PRDM5: variants seen among roughly 807,000 people sequenced by gnomAD.
PRDM5 encodes the protein PR domain zinc finger protein 5.
Under a neutral mutation model 81.2 loss-of-function variants are expected in PRDM5, and 56 were observed. That is an observed-to-expected ratio of 0.69 (90% confidence interval 0.56 to 0.86). The LOEUF is 0.86. PRDM5 is among the 40% of genes least tolerant of loss of function. The probability of loss-of-function intolerance (pLI) is 0.00; values close to 1 mark genes in which losing one functional copy is unlikely to be tolerated. For synonymous variants in PRDM5, 267 were observed against 256.4 expected (o/e 1.04, Z -0.39); for missense variants, 697 against 770.1 (o/e 0.91, Z 1.12).
chr4:120,801,438 T>A (rs1752104594), intron 8 of PRDM5, among the ~76,000 whole-genome samples: 1 of 152,232 alleles, frequency 6.6e-6, no homozygotes, highest in African/African-American at 2.4e-5. Flanking sequence ...CCCAAGCACG[T>A]GGCAGTTTGA....
intron 10 of PRDM5, among the ~76,000 whole-genome samples, chr4:120,789,014 T>C (rs1272926320): frequency 1.3e-5 from 2 of 152,208 alleles, no homozygotes; most frequent in Non-Finnish European, 2.9e-5. Flanking sequence ...TGTCCTTCAA[T>C]CTTTCACCTC....
chr4:120,902,808 C>T (rs919228458), intron 2 of PRDM5, among the ~76,000 whole-genome samples: 1 of 152,208 alleles, frequency 6.6e-6, no homozygotes, highest in Admixed American at 6.5e-5. Context: ...CACTCTGAAG[C>T]AGTGGGCATC....
rs1554009285 is a variant in PRDM5 at position 120,904,198 on chromosome 4, A to AAAAAAAAAAAAC, written c.177+3275_177+3276insGTTTTTTTTTTT. Among the ~76,000 whole-genome samples the AAAAAAAAAAAAC allele has an allele frequency of 9.2e-4, 134 of 145,424 alleles. 2 individuals carry two copies. Among genetic ancestry groups the AAAAAAAAAAAAC allele is most frequent in the African/African-American group, 3.4e-3 (131 of 39,098 alleles). Reference sequence around the variant, plus strand: ...GAGGGAGACTCCTTCTCAAAAAAAAAAAAAAAACAAAAAAACCTCCTTCCT... The same window carrying AAAAAAAAAAAAC: ...GAGGGAGACTCCTTCTCAAAAAAAAAAAAAAAAAAAACAAAAAAACAAAAAAACCTCCTTCCT... On this transcript the variant is annotated intron_variant, in intron 2 of 15. Transcript: ENST00000264808.
At position 120,728,840 on chromosome 4, in the gene PRDM5, A is replaced by G. The variant is rs561250542; in HGVS notation, c.1624-18427T>C. Reference sequence around the variant, plus strand: ...GGTACACCAAATAGAAAATACACACAAGAAATATGATTTGTCTGAAAAATA... The same window carrying G: ...GGTACACCAAATAGAAAATACACACGAGAAATATGATTTGTCTGAAAAATA... On this transcript the variant is annotated intron_variant, in intron 14 of 15. Transcript: ENST00000264808. Among the ~76,000 whole-genome samples, 12 of 152,382 alleles carry G rather than the reference A, an allele frequency of 7.9e-5. No homozygotes were observed. In the East Asian group the frequency reaches 2.3e-3, roughly 29 times the overall value.
intron 6 of PRDM5, 124 bp downstream of exon 6, chr4:120,816,708 G>A (rs890645933): frequency 6.6e-7 from 1 of 1,519,358 alleles, no homozygotes; most frequent in South Asian, 1.1e-5. Flanking sequence ...ACCTATGCAG[G>A]TAAGAAGAAA....
At chr4:120,686,672 C>G (rs1733844722) in intron 1 of PRDM5, among the ~76,000 whole-genome samples, 1 of 151,922 alleles carries the variant, frequency 6.6e-6, no homozygotes, top group Non-Finnish European at 1.5e-5. Flanking sequence ...AAGATTTTAT[C>G]TATTAAATAT....
chr4:120,843,282 C>T (rs1034549602), intron 3 of PRDM5, among the ~76,000 whole-genome samples: 7 of 152,006 alleles, frequency 4.6e-5, no homozygotes, highest in Admixed American at 3.3e-4. Flanking sequence ...CGCAGTGAGC[C>T]GAGATTGTGC....
Position 120,858,222 on chromosome 4 carries a change from G to A in PRDM5, c.178-4682C>T, listed in dbSNP as rs369561187. ...AATTTAGAGTATGGATGTCTTTAGA[G>A]TATAAAATGCCACCATGTTTTTGTA... On this transcript the variant is annotated intron_variant, in intron 2 of 15. Coordinates refer to ENST00000264808, the MANE Select transcript of PRDM5 (RefSeq NM_018699.4). Among the ~76,000 whole-genome samples, 13 of 152,164 alleles carry A rather than the reference G, an allele frequency of 8.5e-5. 1 individual carries two copies. Among genetic ancestry groups the A allele is most frequent in the Admixed American group, 5.9e-4 (9 of 15,276 alleles).
At chr4:120,686,742 C>A (rs1484503051) in intron 1 of PRDM5, among the ~76,000 whole-genome samples, 2 of 151,988 alleles carry the variant, frequency 1.3e-5, no homozygotes, top group Non-Finnish European at 2.9e-5. Flanking sequence ...CCTTCCCCTT[C>A]CCCAAAATAT....
intron 13 of PRDM5, among the ~76,000 whole-genome samples, chr4:120,773,936 G>C (rs1472060624): frequency 6.6e-6 from 1 of 152,098 alleles, no homozygotes; most frequent in Non-Finnish European, 1.5e-5. Context: ...TTCTAGTTTA[G>C]CAAATGCAGG....
chr4:120,782,288 A>T (rs1749147693), intron 11 of PRDM5, among the ~76,000 whole-genome samples: 1 of 152,202 alleles, frequency 6.6e-6, no homozygotes, highest in Non-Finnish European at 1.5e-5. Context: ...CCCATATCAT[A>T]TTGATAACAA....
chr4:120,774,142 T>G (rs1259986616), intron 13 of PRDM5, among the ~76,000 whole-genome samples: 1 of 152,032 alleles, frequency 6.6e-6, no homozygotes, highest in Non-Finnish European at 1.5e-5. Flanking sequence ...TGGTATGGAG[T>G]GATGAGGCCA....
chr4:120,743,454 TA>T lies in PRDM5; in HGVS notation c.1623+11098del, dbSNP rs1381457524. On this transcript the variant is annotated intron_variant, in intron 14 of 15. Coordinates refer to ENST00000264808, the MANE Select transcript of PRDM5 (RefSeq NM_018699.4). ...CTATTAACTTTAAATGTAAATGGAC[TA>T]AATGCTCCAATTAAAAGACACAGAC... is the stretch of plus-strand genomic sequence containing the variant. Among the ~76,000 whole-genome samples the T allele has an allele frequency of 7.5e-4, 111 of 147,698 alleles. No individual in the cohort carries two copies. In the South Asian group the frequency reaches 0.023, roughly 30 times the overall value.
At chr4:120,820,889 T>C (rs1755166437) in intron 4 of PRDM5, among the ~76,000 whole-genome samples, 1 of 152,194 alleles carries the variant, frequency 6.6e-6, no homozygotes, top group Non-Finnish European at 1.5e-5. Flanking sequence ...ATTACCCCAA[T>C]GCGCCAGTGA....
At chr4:120,796,501 T>G (rs1338563500) in intron 10 of PRDM5, among the ~76,000 whole-genome samples, 1 of 152,160 alleles carries the variant, frequency 6.6e-6, no homozygotes, top group Non-Finnish European at 1.5e-5. Flanking sequence ...AACTCATAAA[T>G]GTGGATAGAT....
intron 14 of PRDM5, among the ~76,000 whole-genome samples, chr4:120,719,710 G>A (rs1370852738): frequency 4.6e-5 from 7 of 151,726 alleles, no homozygotes; most frequent in African/African-American, 1.7e-4. Flanking sequence ...AGTTATAAAT[G>A]GAAAAAAAAA....
intron 15 of PRDM5, among the ~76,000 whole-genome samples, chr4:120,705,558 A>G (rs1735987506): frequency 6.6e-6 from 1 of 152,132 alleles, no homozygotes; most frequent in Non-Finnish European, 1.5e-5. Context: ...TAAAGAGGCC[A>G]TGTGACCAGA....
At chr4:120,881,657 G>T (rs982948883) in intron 2 of PRDM5, among the ~76,000 whole-genome samples, 2 of 152,156 alleles carry the variant, frequency 1.3e-5, no homozygotes, top group Non-Finnish European at 2.9e-5. Flanking sequence ...TTTAGGCCAT[G>T]AATTGACATT....
intron 14 of PRDM5, among the ~76,000 whole-genome samples, chr4:120,711,354 A>C (rs2149031661): frequency 6.6e-6 from 1 of 152,258 alleles, no homozygotes; most frequent in Non-Finnish European, 1.5e-5. Context: ...GCTGGAGTGC[A>C]GTGGCACGAC....
Sources: gnomAD v4.1 joint callset for allele counts (sites outside exome capture counted in the v4.1 genomes callset) on GRCh38, gnomAD v4.1.1 for gene constraint, MANE v1.5 for transcripts, NCBI Gene and HGNC (gene_info 2026-07-23, HGNC 2026-07-21) for gene names.